ENPP6: variants seen among roughly 807,000 people sequenced by gnomAD.
ENPP6 encodes the protein glycerophosphocholine cholinephosphodiesterase ENPP6.
Under a neutral mutation model 42.0 loss-of-function variants are expected in ENPP6, and 32 were observed. The ratio of observed to expected loss-of-function variants is 0.76; its 90% confidence interval spans 0.58 to 1.02. The LOEUF is 1.02. Among genes scored for constraint, ENPP6 ranks in the 50% least tolerant of loss-of-function variants. ENPP6 has a pLI of 0.00. For missense variants in ENPP6, 552 were observed against 566.8 expected (o/e 0.97, Z 0.27); for synonymous variants, 213 against 216.0 (o/e 0.99, Z 0.12).
At chr4:184,095,011 G>A (rs1735874192) in intron 7 of ENPP6, among the ~76,000 whole-genome samples, 1 of 152,208 alleles carries the variant, frequency 6.6e-6, no homozygotes, top group South Asian at 2.1e-4. Context: ...ATCTCAAAGT[G>A]CAGCCAGATA....
chr4:184,183,656 C>T (rs1474625110), intron 1 of ENPP6, among the ~76,000 whole-genome samples: 2 of 152,218 alleles, frequency 1.3e-5, no homozygotes, highest in African/African-American at 4.8e-5. Context: ...AGTCCCCAAG[C>T]TTCCCACAGA....
At chr4:184,122,377 C>A (rs1051736320) in intron 3 of ENPP6, among the ~76,000 whole-genome samples, 1 of 151,504 alleles carries the variant, frequency 6.6e-6, no homozygotes, top group African/African-American at 2.4e-5. Context: ...TGGTGGAACC[C>A]AATACCTATG....
At chr4:184,179,320 A>G (rs1199417497) in intron 1 of ENPP6, among the ~76,000 whole-genome samples, 1 of 152,228 alleles carries the variant, frequency 6.6e-6, no homozygotes, top group African/African-American at 2.4e-5. Flanking sequence ...CAACGAGAAG[A>G]GCTAGCTATC....
intron 1 of ENPP6, among the ~76,000 whole-genome samples, chr4:184,211,252 G>T (rs1733103842): frequency 6.6e-6 from 1 of 152,146 alleles, no homozygotes; most frequent in Non-Finnish European, 1.5e-5. Context: ...CAGAACTGAA[G>T]AAAATAGAGA....
chr4:184,203,837 T>C (rs1732943571), intron 1 of ENPP6: 1 of 152,236 alleles, frequency 6.6e-6, no homozygotes, highest in South Asian at 2.1e-4. Flanking sequence ...GGTTTGGTCA[T>C]GGAAGTGGGC....
intron 2 of ENPP6, among the ~76,000 whole-genome samples, chr4:184,143,851 G>C (rs1419038020): frequency 6.6e-6 from 1 of 152,238 alleles, no homozygotes; most frequent in African/African-American, 2.4e-5. Flanking sequence ...AGTTCCTCAA[G>C]TGCTCCAGTG....
chr4:184,145,847 C>T (rs1181029103), intron 2 of ENPP6, among the ~76,000 whole-genome samples: 1 of 152,168 alleles, frequency 6.6e-6, no homozygotes, highest in South Asian at 2.1e-4. Flanking sequence ...TACTGTAAAC[C>T]CATAGGGGCC....
intron 6 of ENPP6, among the ~76,000 whole-genome samples, chr4:184,103,358 C>A (rs924611505): frequency 6.6e-6 from 1 of 152,178 alleles, no homozygotes; most frequent in Non-Finnish European, 1.5e-5. Context: ...TGGGGAACAC[C>A]GTTGAAATCT....
intron 2 of ENPP6, among the ~76,000 whole-genome samples, chr4:184,149,443 C>T (rs994000083): frequency 1.3e-5 from 2 of 152,202 alleles, no homozygotes; most frequent in Non-Finnish European, 2.9e-5. Context: ...AAATGCCCAC[C>T]CACTAACTCC....
At chr4:184,148,820 T>C (rs945562186) in intron 2 of ENPP6, among the ~76,000 whole-genome samples, 2 of 152,214 alleles carry the variant, frequency 1.3e-5, no homozygotes, top group East Asian at 1.9e-4. Flanking sequence ...TTAGCTATCA[T>C]AGGTATGTGT....
intron 1 of ENPP6, among the ~76,000 whole-genome samples, chr4:184,207,115 T>A (rs995331420): frequency 6.6e-6 from 1 of 152,252 alleles, no homozygotes; most frequent in African/African-American, 2.4e-5. Flanking sequence ...TGAATTTCCC[T>A]GCACTTTATT....
At chr4:184,103,377 T>G (rs1736037233) in intron 6 of ENPP6, among the ~76,000 whole-genome samples, 2 of 152,314 alleles carry the variant, frequency 1.3e-5, no homozygotes, top group South Asian at 4.1e-4. Context: ...CTGGTCAGAT[T>G]AAAATAAAAG....
Position 184,117,978 on chromosome 4 carries a change from C to A in ENPP6, c.534-78G>T, listed in dbSNP as rs1021513147. On this transcript the variant is annotated intron_variant, in intron 3 of 7. Coordinates refer to ENST00000296741, the MANE Select transcript of ENPP6 (RefSeq NM_153343.4). ...TCCCTTATCACCCCCATAGCACTCT[C>A]TGAAGGTGTTCACGCCCCCCGAAAC... 5.9e-6 allele frequency: 9 copies of A among 1,520,798 alleles called. No homozygotes were observed. The African/African-American group carries it at 1.2e-4, about 21-fold the overall frequency. 94.2% of individuals were successfully genotyped at this position (1,520,798 alleles called of 1,614,324 possible).
At position 184,153,551 on chromosome 4, in the gene ENPP6, C is replaced by T; in HGVS notation, c.421+3G>A. The T allele has an allele frequency of 3.1e-6, 5 of 1,610,700 alleles. No homozygotes were observed. Among genetic ancestry groups the T allele is most frequent in the Non-Finnish European group, 4.2e-6 (5 of 1,178,544 alleles). ...GATTTGGAATGGATGTTCACACACTCACCTGGCCAGTAGTACATGTAGACC... is the reference window on the plus strand; with the variant it reads ...GATTTGGAATGGATGTTCACACACTTACCTGGCCAGTAGTACATGTAGACC... On this transcript the variant is annotated splice_donor_region_variant and intron_variant, in intron 2 of 7. Transcript: ENST00000296741.
At chr4:184,194,605 T>C (rs2111110157) in intron 1 of ENPP6, among the ~76,000 whole-genome samples, 1 of 152,352 alleles carries the variant, frequency 6.6e-6, no homozygotes, top group Admixed American at 6.5e-5. Flanking sequence ...CCTGTGGGAC[T>C]GCACAGGTCC....
At chr4:184,115,151 T>C (rs568882900) in intron 5 of ENPP6, among the ~76,000 whole-genome samples, 3 of 152,314 alleles carry the variant, frequency 2.0e-5, no homozygotes, top group Non-Finnish European at 4.4e-5. Flanking sequence ...TCCTTACTAA[T>C]GACTGTCCAG....
intron 2 of ENPP6, among the ~76,000 whole-genome samples, chr4:184,152,032 C>T (rs1045646366): frequency 6.6e-6 from 1 of 152,178 alleles, no homozygotes; most frequent in Admixed American, 6.5e-5. Flanking sequence ...TGTGATCAAC[C>T]CCCCTGAAGC....
At chr4:184,183,446 C>A (rs977292126) in intron 1 of ENPP6, among the ~76,000 whole-genome samples, 2 of 152,058 alleles carry the variant, frequency 1.3e-5, no homozygotes, top group African/African-American at 4.8e-5. Context: ...AGGTAGAATT[C>A]TCCTTTTACA....
intron 1 of ENPP6, among the ~76,000 whole-genome samples, chr4:184,187,703 T>C (rs1268057568): frequency 6.6e-6 from 1 of 151,882 alleles, no homozygotes; most frequent in African/African-American, 2.4e-5. Context: ...TATTACCACC[T>C]GACATTGTTT....
Sources: gnomAD v4.1 joint callset for allele counts (sites outside exome capture counted in the v4.1 genomes callset) on GRCh38, gnomAD v4.1.1 for gene constraint, MANE v1.5 for transcripts, NCBI Gene and HGNC (gene_info 2026-07-23, HGNC 2026-07-21) for gene names.